SORT1: variants seen among roughly 807,000 people sequenced by gnomAD.
SORT1 encodes sortilin.
In SORT1, 39 loss-of-function variants were observed where a neutral mutation model predicts 101.7. The ratio of observed to expected loss-of-function variants is 0.38; its 90% CI spans 0.30 to 0.50. The LOEUF is 0.50. SORT1 is among the 20% of genes least tolerant of loss of function. The pLI is 0.90. For missense variants in SORT1, 878 were observed against 1,040.4 expected (o/e 0.84, Z 2.15); for synonymous variants, 396 against 393.7 (o/e 1.01, Z -0.07).
At chr1:109,372,764 TG>T (rs1314710334) in intron 1 of SORT1, among the ~76,000 whole-genome samples, 1 of 151,752 alleles carries the variant, frequency 6.6e-6, no homozygotes, top group Non-Finnish European at 1.5e-5. Context: ...CCGGGCGTGG[TG>T]GCGGGCACCT....
At chr1:109,337,342 G>A (rs1325954682) in intron 10 of SORT1, among the ~76,000 whole-genome samples, 1 of 151,872 alleles carries the variant, frequency 6.6e-6, no homozygotes, top group East Asian at 1.9e-4. Context: ...TGCCTCCTGG[G>A]TTCAAGCAAT....
intron 1 of SORT1, among the ~76,000 whole-genome samples, chr1:109,375,179 G>A (rs982774793): frequency 6.6e-6 from 1 of 152,166 alleles, no homozygotes; most frequent in African/African-American, 2.4e-5. Context: ...CGATGGCTCT[G>A]TTCATTCTTT....
chr1:109,360,139 C>A (rs1221262682), intron 3 of SORT1, among the ~76,000 whole-genome samples: 3 of 152,174 alleles, frequency 2.0e-5, no homozygotes, highest in Non-Finnish European at 4.4e-5. Flanking sequence ...ACCTCGGCCT[C>A]CCAAAGGCAA....
chr1:109,373,342 A>C (rs569215876), intron 1 of SORT1, among the ~76,000 whole-genome samples: 61 of 152,288 alleles, frequency 4.0e-4, no homozygotes, highest in Non-Finnish European at 6.5e-4. Flanking sequence ...TAGAGAAGAA[A>C]GACTTACACA....
intron 1 of SORT1, among the ~76,000 whole-genome samples, 181 bp from the exon 2 acceptor site, chr1:109,369,770 A>G (rs1651370708): frequency 6.6e-6 from 1 of 152,174 alleles, no homozygotes; most frequent in Non-Finnish European, 1.5e-5. Flanking sequence ...GTGAATCACA[A>G]ATAACTTGGA....
chr1:109,355,273 T>C, intron 4 of SORT1, 94 bp downstream of exon 4: 1 of 736,956 alleles, frequency 1.4e-6, no homozygotes, highest in East Asian at 2.6e-5. Flanking sequence ...TAAAATACAT[T>C]ACTGTGAATC....
chr1:109,322,399 G>C (rs1433431404), intron 15 of SORT1, among the ~76,000 whole-genome samples: 3 of 152,086 alleles, frequency 2.0e-5, no homozygotes, highest in African/African-American at 7.2e-5. Flanking sequence ...TCTCGGGTTT[G>C]TTGCTGGTTC....
intron 10 of SORT1, among the ~76,000 whole-genome samples, chr1:109,338,529 G>A (rs1027019971): frequency 6.6e-6 from 1 of 152,172 alleles, no homozygotes; most frequent in African/African-American, 2.4e-5. Flanking sequence ...GGTGAGCTCT[G>A]TAGAGCCATT....
Position 109,317,860 on chromosome 1 carries a change from T to C in SORT1, c.2134A>G (p.Thr712Ala). ...GAGAAAAGGCCACCTCACCCATTTG[T>C]TGTTAGGTGTTCTTCTCTTCCGTAC... Reference protein sequence around the residue: ...CLYGREEHLTTNGYRKIPGDK... With the variant: ...CLYGREEHLTANGYRKIPGDK... The change falls in exon 16 of 20, where the codon ACA (threonine) becomes GCA (alanine). Residue 712 changes from threonine (T) to alanine (A), a missense_variant. This residue lies in a region of SORT1 where 684 missense variants were observed against 894.5 expected (regional missense o/e 0.76). Coordinates refer to ENST00000256637, the MANE Select transcript of SORT1 (RefSeq NM_002959.7). 1 of 1,602,074 alleles carries C rather than the reference T, an allele frequency of 6.2e-7. No homozygotes were observed. Among genetic ancestry groups the C allele is most frequent in the Non-Finnish European group, 8.6e-7 (1 of 1,169,278 alleles).
At chr1:109,318,101 G>T in intron 15 of SORT1, 132 bp from the exon 16 acceptor site, 1 of 583,040 alleles carries the variant, frequency 1.7e-6, no homozygotes. Context: ...AGCTCAGGAA[G>T]TCCTGTGACA....
rs922441098 is a variant in SORT1, at chr1:109,311,905, C to T, written c.*2138G>A. On this transcript the variant is annotated 3_prime_UTR_variant, in exon 20 of 20. Coordinates refer to ENST00000256637, the MANE Select transcript of SORT1 (RefSeq NM_002959.7). ...GCACTGCTTATCACACACACGGGGA[C>T]CCTGAACAACTGACTCCATCCCAAG... 6.5e-5 allele frequency: 10 copies of T among 152,702 alleles called. 1 individual carries two copies. In the South Asian group the frequency reaches 2.1e-3, roughly 32 times the overall value. 9.5% of individuals were successfully genotyped at this position (152,702 alleles called of 1,614,324 possible).
chr1:109,349,512 TC>T (rs1649823743), intron 6 of SORT1, among the ~76,000 whole-genome samples: 1 of 151,428 alleles, frequency 6.6e-6, no homozygotes, highest in East Asian at 2.0e-4. Flanking sequence ...ATACCTATAA[TC>T]CCAGTACTCT....
At position 109,340,728 on chromosome 1, in the gene SORT1, G is replaced by A. The variant is rs150785768; in HGVS notation, c.1260C>T (p.Ser420=). 5.0e-5 allele frequency: 81 copies of A among 1,614,050 alleles called. No individual in the cohort carries two copies. Among genetic ancestry groups the A allele is most frequent in the East Asian group, 1.1e-4 (5 of 44,888 alleles). The part of the protein sequence containing the change: ...LRGVYITSVL[S]EDNSIQTMIT... Reference sequence around the variant, plus strand: ...CACTGCGATGCCGAGACTCACCTTCGGAGAGCACGCTTGTTATGTAGACGC... The same window carrying A: ...CACTGCGATGCCGAGACTCACCTTCAGAGAGCACGCTTGTTATGTAGACGC... The change falls in exon 10 of 20, where the codon TCC becomes TCT. Residue 420 remains serine (S), a synonymous_variant. Coordinates refer to ENST00000256637, the MANE Select transcript of SORT1 (RefSeq NM_002959.7).
At chr1:109,356,412 T>A (rs1463501620) in intron 3 of SORT1, among the ~76,000 whole-genome samples, 2 of 152,092 alleles carry the variant, frequency 1.3e-5, no homozygotes, top group African/African-American at 4.8e-5. Context: ...GAAGGTAATT[T>A]CAGAATACCG....
In SORT1 at chr1:109,342,996, T is replaced by C. The variant is rs181806591; in HGVS notation, c.964-838A>G. Among the ~76,000 whole-genome samples, 10 of 152,302 alleles carry C rather than the reference T, an allele frequency of 6.6e-5. No individual in the cohort carries two copies. In the South Asian group the frequency reaches 1.0e-3, roughly 16 times the overall value. On this transcript the variant is annotated intron_variant, in intron 8 of 19. Transcript: ENST00000256637. The stretch of plus-strand genomic sequence containing the variant: ...ACTTTGAATCTTATTCTCATTACTG[T>C]AGGTAGAAACCAGAGTTCAAAAGTA...
chr1:109,379,214 A>G (rs956216517), intron 1 of SORT1, among the ~76,000 whole-genome samples: 1 of 152,066 alleles, frequency 6.6e-6, no homozygotes, highest in Non-Finnish European at 1.5e-5. Flanking sequence ...TGGGGTGTCC[A>G]ATCTTTTGGC....
chr1:109,366,054 C>G (rs1426548997), intron 3 of SORT1, among the ~76,000 whole-genome samples: 2 of 152,166 alleles, frequency 1.3e-5, no homozygotes, highest in African/African-American at 2.4e-5. Context: ...TATGTCATTA[C>G]TTCTTTAGGT....
At chr1:109,384,318 C>T (rs1003251806) in intron 1 of SORT1, among the ~76,000 whole-genome samples, 39 of 152,162 alleles carry the variant, frequency 2.6e-4, no homozygotes, top group African/African-American at 8.9e-4. Flanking sequence ...TTTATTAAAC[C>T]GGTTAGAATT....
At chr1:109,360,796 C>A (rs544579469) in intron 3 of SORT1, among the ~76,000 whole-genome samples, 1 of 152,176 alleles carries the variant, frequency 6.6e-6, no homozygotes, top group Non-Finnish European at 1.5e-5. Flanking sequence ...ATCTGGGTGG[C>A]CCTTCTCCCA....
Sources: gnomAD v4.1 joint callset for allele counts (sites outside exome capture counted in the v4.1 genomes callset) on GRCh38, gnomAD v4.1.1 for gene constraint, gnomAD v4.1.1 regional missense constraint, MANE v1.5 for transcripts, NCBI Gene and HGNC (gene_info 2026-07-23, HGNC 2026-07-21) for gene names.